The following DNAH17 variants were observed in gnomAD, a reference collection of about 807,000 sequenced individuals.
DNAH17 encodes the protein axonemal beta dynein heavy chain 17.
In DNAH17, 376 loss-of-function variants were observed where a neutral mutation model predicts 485.6. The observed-to-expected ratio is 0.77, with a 90% CI of 0.71 to 0.84. The LOEUF (loss-of-function observed/expected upper bound fraction) is 0.84, where lower values mean the gene tolerates loss of function less well. Ranked by LOEUF, DNAH17 falls within the 40% of genes least tolerant of loss-of-function variation. DNAH17 has a pLI of 0.00. For synonymous variants in DNAH17, 3,031 were observed against 2,405.9 expected, an observed-to-expected ratio of 1.26 and a Z score of -7.60; for missense variants, 6,370 against 5,839.3, an observed-to-expected ratio of 1.09 and a Z score of -2.96.
intron 51 of DNAH17, among the ~76,000 whole-genome samples, chr17:78,477,625 C>CTG (rs1303267081): frequency 1.3e-5 from 2 of 152,280 alleles, no homozygotes; most frequent in East Asian, 3.9e-4. Context: ...GATCTGCCCG[C>CTG]CTTGGCCTCC....
At position 78,506,580 on chromosome 17, in the gene DNAH17, C is replaced by T. The variant is rs118064755; in HGVS notation, c.4803+140G>A. The T allele has an allele frequency of 4.1e-3, 5,278 of 1,275,004 alleles. 92 individuals are homozygous for T. The East Asian group carries it at 0.041, about 10-fold the overall frequency. The allele number at this position is 1,275,004 out of a possible 1,614,324, so 79.0% of individuals were successfully genotyped here. A position where few individuals can be genotyped will look rare whatever the true frequency, so the allele number is the denominator to read the frequency against. On this transcript the variant is annotated intron_variant, in intron 30 of 80. Transcript: ENST00000389840. ...ATGGCTGGGGACCCCAGGGCAGCTT[C>T]TGGTGCAGAGGGCCTCCTGGAGATG...
intron 64 of DNAH17, 131 bp downstream of exon 64, chr17:78,454,339 G>A (rs1190163088): frequency 7.4e-6 from 5 of 677,826 alleles, no homozygotes; most frequent in African/African-American, 3.6e-5. Flanking sequence ...CTGTTCCCCA[G>A]GCCAGATTTA....
In DNAH17 at chr17:78,495,973, C is replaced by A. The variant is rs781313363; in HGVS notation, c.5805G>T (p.Glu1935Asp). ...AKKKAFNFLGEIIGLIPTVGI... is the reference protein window; with the variant it reads ...AKKKAFNFLGDIIGLIPTVGI... ...CGACGGTGGGAATGAGGCCTATGAT[C>A]TCTCCCAGGAAATTGAATGCTTTTT... The change falls in exon 38 of 81, where the codon GAG (glutamate) becomes GAT (aspartate). Residue 1935 changes from glutamate to aspartate, a missense_variant. Transcript: ENST00000389840. 2 of 1,613,928 alleles carry A rather than the reference C, an allele frequency of 1.2e-6. No homozygotes were observed. The highest frequency in any genetic ancestry group is 1.1e-5 in the South Asian group (1 of 91,082).
chr17:78,450,161 T>TGCCC (rs2087483993), intron 68 of DNAH17, 93 bp downstream of exon 68: 1 of 1,488,424 alleles, frequency 6.7e-7, no homozygotes, highest in African/African-American at 1.4e-5. Context: ...GCCCTGGCAC[T>TGCCC]GCCCGATGGC....
At chr17:78,433,148 G>A (rs1045523813) in intron 75 of DNAH17, among the ~76,000 whole-genome samples, 2 of 152,214 alleles carry the variant, frequency 1.3e-5, no homozygotes, top group African/African-American at 4.8e-5. Context: ...TTATAGGGGT[G>A]TGCACCGCCC....
At chr17:78,468,090 G>A (rs2088567625) in intron 55 of DNAH17, among the ~76,000 whole-genome samples, 1 of 151,482 alleles carries the variant, frequency 6.6e-6, no homozygotes, top group Non-Finnish European at 1.5e-5. Flanking sequence ...TGTGTGTGGG[G>A]AGGGGGTCCA....
chr17:78,517,235 G>A (rs1047304926), intron 25 of DNAH17, among the ~76,000 whole-genome samples: 2 of 152,120 alleles, frequency 1.3e-5, no homozygotes, highest in East Asian at 3.8e-4. Context: ...GTAGAGATGG[G>A]GTTTTGCCAT....
intron 54 of DNAH17, among the ~76,000 whole-genome samples, chr17:78,469,280 T>C (rs1257963953): frequency 2.0e-5 from 3 of 152,224 alleles, no homozygotes; most frequent in Non-Finnish European, 2.9e-5. Flanking sequence ...TAGCTGGGAC[T>C]ACAGGCACCC....
intron 62 of DNAH17, among the ~76,000 whole-genome samples, chr17:78,456,521 G>A (rs937237793): frequency 3.3e-5 from 5 of 152,154 alleles, no homozygotes; most frequent in African/African-American, 2.4e-5. Context: ...GCCCGGGTGA[G>A]GACCACGGTG....
At chr17:78,438,422 GAGA>G (rs1410019195) in intron 73 of DNAH17, among the ~76,000 whole-genome samples, 8 of 1,292 alleles carry the variant, frequency 6.2e-3, no homozygotes, top group African/African-American at 0.012. Context: ...CCCAAGTGAG[GAGA>G]AGGAGGAGGA....
rs1555680394 is a variant in DNAH17, at chr17:78,514,517, A to AAG, written c.4113+256_4113+257insCT. Among the ~76,000 whole-genome samples the AAG allele has an allele frequency of 7.8e-3, 1,166 of 149,520 alleles. 50 individuals are homozygous for AAG. Among genetic ancestry groups the AAG allele is most frequent in the Admixed American group, 0.065 (955 of 14,646 alleles). Reference sequence around the variant, plus strand: ...AGACTCCGTCTCAAAAAAAAAAAAAAAAAAAGAAAAAGAAAATTACTAAGA... The same window carrying AAG: ...AGACTCCGTCTCAAAAAAAAAAAAAAAGAAAAAGAAAAAGAAAATTACTAAGA... On this transcript the variant is annotated intron_variant, in intron 26 of 80. Coordinates refer to ENST00000389840, the MANE Select transcript of DNAH17 (RefSeq NM_173628.4).
At chr17:78,521,847 TGTG>T (rs1009408156) in intron 25 of DNAH17, among the ~76,000 whole-genome samples, 12 of 151,908 alleles carry the variant, frequency 7.9e-5, no homozygotes, top group African/African-American at 2.4e-4. Context: ...ATTAGCCAAG[TGTG>T]GTGGCGTGCG....
chr17:78,530,272 T>C, intron 21 of DNAH17, 71 bp downstream of exon 21: 1 of 1,472,266 alleles, frequency 6.8e-7, no homozygotes, highest in Non-Finnish European at 9.0e-7. Flanking sequence ...TGCCACCCAC[T>C]CAAGTGGAAG....
chr17:78,451,627 G>A lies in DNAH17; in HGVS notation c.10576C>T (p.Arg3526Cys), dbSNP rs569082402. 1.4e-5 allele frequency: 23 copies of A among 1,598,150 alleles called. No individual in the cohort carries two copies. Among genetic ancestry groups the A allele is most frequent in the East Asian group, 4.5e-5 (2 of 44,074 alleles). ...DKEVEYHPKFRLILHTKYFNP... is the reference protein window; with the variant it reads ...DKEVEYHPKFCLILHTKYFNP... ...AAGTACTTGGTGTGTAGGATCAGGC[G>A]GAACTTGGGGTGGTACTCCACCTCC... The change falls in exon 66 of 81, where the codon CGC becomes TGC. Residue 3526 changes from arginine to cysteine, a missense_variant. By Grantham distance (180) the Arg-to-Cys change is radical. Coordinates refer to ENST00000389840, the MANE Select transcript of DNAH17 (RefSeq NM_173628.4).
Position 78,526,879 on chromosome 17 carries a change from C to T in DNAH17, c.3624+1G>A. On this transcript the variant is annotated splice_donor_variant, in intron 23 of 80. Transcript: ENST00000389840. LOFTEE classifies it high-confidence loss of function. ...CCGCCACCCTGCCCCAGGTATAATA[C>T]CTCGAATTGCTGGCATTTCCGCCGC... The T allele has an allele frequency of 1.3e-6, 2 of 1,570,306 alleles. No homozygotes were observed. Among genetic ancestry groups the T allele is most frequent in the Non-Finnish European group, 8.6e-7 (1 of 1,157,226 alleles).
intron 47 of DNAH17, 28 bp from the exon 48 acceptor site, chr17:78,485,061 G>T: frequency 1.3e-6 from 2 of 1,571,476 alleles, no homozygotes; most frequent in Non-Finnish European, 1.7e-6. Context: ...TCAGCTGCCC[G>T]CCTGCGCCTC....
At chr17:78,508,818 A>AT (rs957478064) in intron 27 of DNAH17, among the ~76,000 whole-genome samples, 5 of 151,628 alleles carry the variant, frequency 3.3e-5, no homozygotes, top group East Asian at 1.9e-4. Flanking sequence ...AAAAATTATA[A>AT]TTTTTTTTAG....
chr17:78,450,538 G>T, intron 67 of DNAH17, 144 bp from the exon 68 acceptor site: 1 of 1,420,850 alleles, frequency 7.0e-7, no homozygotes, highest in Non-Finnish European at 9.5e-7. Flanking sequence ...TGGGAGCCCA[G>T]ACCCCTTCTC....
chr17:78,547,733 T>G (rs892997587), intron 16 of DNAH17, among the ~76,000 whole-genome samples: 1 of 152,036 alleles, frequency 6.6e-6, no homozygotes, highest in Non-Finnish European at 1.5e-5. Flanking sequence ...TTCTCCTGCC[T>G]CAGCCTCTCT....
Sources: gnomAD v4.1 joint callset for allele counts (sites outside exome capture counted in the v4.1 genomes callset) on GRCh38, gnomAD v4.1.1 for gene constraint, MANE v1.5 for transcripts, NCBI Gene and HGNC (gene_info 2026-07-23, HGNC 2026-07-21) for gene names.